Variants in MAMDC2 observed in about 807,000 individuals in gnomAD.
MAMDC2 encodes MAM domain containing 2.
In MAMDC2, 57 loss-of-function variants were observed where a neutral mutation model predicts 89.8. The observed-to-expected ratio is 0.63, with a 90% CI of 0.51 to 0.79. The LOEUF is 0.79. Among genes scored for constraint, MAMDC2 ranks in the 30% least tolerant of loss-of-function variants. The pLI, the probability that MAMDC2 is intolerant of heterozygous loss-of-function variation, is 0.00. For synonymous variants in MAMDC2, 313 were observed against 293.4 expected (o/e 1.07, Z -0.68); for missense variants, 800 against 820.6 (o/e 0.97, Z 0.31).
At chr9:70,200,163 C>A (rs927343390) in intron 11 of MAMDC2, among the ~76,000 whole-genome samples, 1 of 152,036 alleles carries the variant, frequency 6.6e-6, no homozygotes, top group African/African-American at 2.4e-5. Flanking sequence ...TAGGTTTTCT[C>A]CTAGGGTTTT....
rs61315417 is a variant in MAMDC2, at chr9:70,103,431, C to T, written c.149-4780C>T. On this transcript the variant is annotated intron_variant, in intron 2 of 13. Coordinates refer to ENST00000377182, the MANE Select transcript of MAMDC2 (RefSeq NM_153267.5). ...TCGAATTGAGAAGTCCAGAAATAAA[C>T]CCCACATCTATCCTCAACTGATTTC... 5.0e-3 allele frequency among the ~76,000 whole-genome samples: 766 copies of T among 152,086 alleles called. 3 individuals are homozygous for T. The highest frequency in any genetic ancestry group is 0.018 in the African/African-American group (738 of 41,484).
intron 2 of MAMDC2, among the ~76,000 whole-genome samples, chr9:70,061,012 G>A (rs1426370290): frequency 6.6e-6 from 1 of 152,148 alleles, no homozygotes; most frequent in Admixed American, 6.5e-5. Context: ...CCAATGAATG[G>A]ATGTGAGTGG....
intron 10 of MAMDC2, 161 bp from the exon 11 acceptor site, chr9:70,170,318 G>C: frequency 3.3e-6 from 2 of 602,750 alleles, no homozygotes; most frequent in Non-Finnish European, 5.4e-6. Context: ...GCAGCCTCTA[G>C]CTGGAAGCAG....
chr9:70,210,996 T>C (rs1379585962), intron 11 of MAMDC2, among the ~76,000 whole-genome samples: 1 of 152,228 alleles, frequency 6.6e-6, no homozygotes, highest in Non-Finnish European at 1.5e-5. Flanking sequence ...TGCCAAGAGA[T>C]CAGCTATTAG....
rs530232882 is a variant in MAMDC2 at position 70,182,720 on chromosome 9, A to G, written c.1651+12089A>G. Reference sequence around the variant, plus strand: ...TGTGATATTCCCTTTATCATTTTTTATTGCATCTATTTGATTCTTCTCTGT... The same window carrying G: ...TGTGATATTCCCTTTATCATTTTTTGTTGCATCTATTTGATTCTTCTCTGT... On this transcript the variant is annotated intron_variant, in intron 11 of 13. Transcript: ENST00000377182. Among the ~76,000 whole-genome samples the G allele has an allele frequency of 1.0e-3, 156 of 151,922 alleles. 1 individual carries two copies. The highest frequency in any genetic ancestry group is 3.5e-3 in the African/African-American group (144 of 41,434).
chr9:70,208,619 C>T (rs2033281927), intron 11 of MAMDC2, among the ~76,000 whole-genome samples: 1 of 152,160 alleles, frequency 6.6e-6, no homozygotes, highest in African/African-American at 2.4e-5. Flanking sequence ...ACTTAATACC[C>T]TTTATTTCTT....
At chr9:70,168,478 C>T (rs866612412) in intron 9 of MAMDC2, 8 of 434,472 alleles carry the variant, frequency 1.8e-5, no homozygotes, top group East Asian at 4.4e-5. Context: ...GGCGACAGAG[C>T]GAGACTCCAT....
At chr9:70,131,275 G>C (rs547214855) in intron 6 of MAMDC2, among the ~76,000 whole-genome samples, 1 of 152,076 alleles carries the variant, frequency 6.6e-6, no homozygotes, top group African/African-American at 2.4e-5. Flanking sequence ...ATATGTCAAC[G>C]TATGACTTTT....
In MAMDC2 at chr9:70,074,871, TC is replaced by T. The variant is rs1482187087; in HGVS notation, c.148+30177del. 5.9e-5 allele frequency among the ~76,000 whole-genome samples: 9 copies of T among 152,314 alleles called. No homozygotes were observed. The East Asian group carries it at 1.7e-3, about 29-fold the overall frequency. ...GCCCTGCATTTTCTTTTTGCATGGA[TC>T]CCTTGAATTATGTAGCCTGTCTTGC... On this transcript the variant is annotated intron_variant, in intron 2 of 13. Transcript: ENST00000377182.
intron 11 of MAMDC2, among the ~76,000 whole-genome samples, chr9:70,175,208 C>T (rs1483936650): frequency 6.6e-6 from 1 of 152,156 alleles, no homozygotes; most frequent in African/African-American, 2.4e-5. Flanking sequence ...GCACATAACC[C>T]AGGTGAACAA....
Position 70,158,550 on chromosome 9 carries a change from T to G in MAMDC2, c.1405-10152T>G, listed in dbSNP as rs1339358866. Among the ~76,000 whole-genome samples the G allele has an allele frequency of 2.0e-5, 3 of 151,680 alleles. No homozygotes were observed. In the East Asian group the frequency reaches 5.8e-4, roughly 29 times the overall value. On this transcript the variant is annotated intron_variant, in intron 9 of 13. Coordinates refer to ENST00000377182, the MANE Select transcript of MAMDC2 (RefSeq NM_153267.5). Reference sequence around the variant, plus strand: ...TTTTCTGGTCTAAGTGAAAGATTTATTTTTCAATATATGTACTATACATAT... The same window carrying G: ...TTTTCTGGTCTAAGTGAAAGATTTAGTTTTCAATATATGTACTATACATAT...
intron 5 of MAMDC2, among the ~76,000 whole-genome samples, chr9:70,117,561 C>G (rs1221225270): frequency 7.9e-5 from 12 of 151,970 alleles, no homozygotes; most frequent in Admixed American, 7.9e-4. Context: ...ATCTATGTAA[C>G]AAACCTGCAC....
At chr9:70,152,336 A>T (rs10780853) in intron 9 of MAMDC2, among the ~76,000 whole-genome samples, 114,575 of 152,010 alleles carry the variant, frequency 0.75, 44,977 homozygotes, top group Middle Eastern at 0.87. Context: ...AGATTCTGTG[A>T]GATATTATCA....
intron 5 of MAMDC2, among the ~76,000 whole-genome samples, chr9:70,120,427 C>T (rs2030232067): frequency 6.6e-6 from 1 of 152,194 alleles, no homozygotes; most frequent in Admixed American, 6.5e-5. Context: ...CGCTTAAGCC[C>T]CCTCCTTTAG....
chr9:70,065,173 T>G (rs3015244), intron 2 of MAMDC2, among the ~76,000 whole-genome samples: 6,948 of 152,242 alleles, frequency 0.046, 500 homozygotes, highest in African/African-American at 0.16. Flanking sequence ...TTCTAAATCT[T>G]GAAGGCAAGT....
chr9:70,209,543 T>C (rs918115935), intron 11 of MAMDC2, among the ~76,000 whole-genome samples: 2 of 3,678 alleles, frequency 5.4e-4, no homozygotes, highest in Non-Finnish European at 1.8e-3. Context: ...GTCTGAGCGG[T>C]CTATCTATCT....
chr9:70,124,136 G>A (rs1352197995), intron 5 of MAMDC2, among the ~76,000 whole-genome samples: 2 of 152,202 alleles, frequency 1.3e-5, no homozygotes, highest in African/African-American at 4.8e-5. Context: ...CAGGGAGGCT[G>A]GAGAACATGG....
intron 2 of MAMDC2, among the ~76,000 whole-genome samples, chr9:70,059,734 T>C (rs771355482): frequency 3.9e-5 from 6 of 152,178 alleles, no homozygotes; most frequent in Non-Finnish European, 5.9e-5. Flanking sequence ...CCAGAGACAG[T>C]GTAATGGCTG....
intron 2 of MAMDC2, chr9:70,088,365 A>G (rs1827817850): frequency 6.6e-6 from 1 of 152,104 alleles, no homozygotes; most frequent in African/African-American, 2.4e-5. Context: ...TTTGGCTTCA[A>G]CTAGAGGTAT....
Sources: allele counts gnomAD v4.1 joint callset (sites outside exome capture counted in the v4.1 genomes callset), GRCh38; gene constraint gnomAD v4.1.1; transcripts MANE v1.5; gene names NCBI Gene and HGNC (gene_info 2026-07-23, HGNC 2026-07-21).